PRKAR1B: variants seen among roughly 807,000 people sequenced by gnomAD.
PRKAR1B encodes the protein protein kinase cAMP-dependent type I regulatory subunit beta.
PRKAR1B carries 22 observed loss-of-function variants against 46.5 expected under a neutral mutation model. That is an observed-to-expected ratio of 0.47 (90% CI 0.34 to 0.68). The LOEUF is 0.68. Among genes scored for constraint, PRKAR1B ranks in the 30% least tolerant of loss-of-function variants. PRKAR1B has a pLI of 0.01. For missense variants in PRKAR1B, 445 were observed against 535.6 expected (o/e 0.83, Z 1.67); for synonymous variants, 259 against 217.7 (o/e 1.19, Z -1.67).
chr7:677,317 T>G lies in PRKAR1B; in HGVS notation c.352A>C (p.Ile118Leu), dbSNP rs1258812714. 1 of 1,614,206 alleles carries G rather than the reference T, an allele frequency of 6.2e-7. No homozygotes were observed. The highest frequency in any genetic ancestry group is 1.1e-5 in the South Asian group (1 of 91,080). Residue 118 changes from isoleucine to leucine, a missense_variant, in exon 4 of 11, where the codon ATT (isoleucine) becomes CTT (leucine). Ile to Leu is a conservative substitution (Grantham distance 5, BLOSUM62 2). Transcript: ENST00000537384. ...GTCATGGTTTTGTAGTCCTTGGGAA[T>G]CACCTGAAGCGGAGCCAACACATCA... ...EDAVSYVRKVIPKDYKTMTAL... is the reference protein window; with the variant it reads ...EDAVSYVRKVLPKDYKTMTAL...
At chr7:631,483 G>C (rs1783735893) in intron 4 of PRKAR1B, among the ~76,000 whole-genome samples, 1 of 152,204 alleles carries the variant, frequency 6.6e-6, no homozygotes, top group Non-Finnish European at 1.5e-5. Context: ...GCCAGTTCCA[G>C]GGTCAGCCAG....
intron 9 of PRKAR1B, among the ~76,000 whole-genome samples, chr7:578,065 C>T (rs1000904365): frequency 6.6e-6 from 1 of 152,194 alleles, no homozygotes; most frequent in Non-Finnish European, 1.5e-5. Context: ...GTCATGGCAA[C>T]GGTAAACTGA....
intron 2 of PRKAR1B, among the ~76,000 whole-genome samples, chr7:695,813 G>A (rs1199593519): frequency 6.6e-6 from 1 of 151,694 alleles, no homozygotes; most frequent in East Asian, 2.0e-4. Context: ...ACAGGTGCCT[G>A]CCACCATGCC....
At chr7:653,009 CCCCCAGGAG>C (rs1198764892) in intron 4 of PRKAR1B, among the ~76,000 whole-genome samples, 2 of 152,180 alleles carry the variant, frequency 1.3e-5, no homozygotes, top group African/African-American at 4.8e-5. Flanking sequence ...CCCAGCTCCA[CCCCCAGGAG>C]TCCCTCCACA....
chr7:585,016 A>C (rs1346285400), intron 7 of PRKAR1B, among the ~76,000 whole-genome samples: 2 of 152,184 alleles, frequency 1.3e-5, no homozygotes, highest in African/African-American at 4.8e-5. Context: ...CCCTGGATCC[A>C]GCCGTGCCTG....
chr7:561,128 CACAA>C (rs774057643), intron 9 of PRKAR1B, among the ~76,000 whole-genome samples: 134 of 149,228 alleles, frequency 9.0e-4, no homozygotes, highest in Non-Finnish European at 1.2e-3. Flanking sequence ...CACACAGGCA[CACAA>C]ACACACACAC....
chr7:726,090 GCATGCAGCCAGTTTC>G (rs1438939977), intron 1 of PRKAR1B, among the ~76,000 whole-genome samples: 3 of 150,310 alleles, frequency 2.0e-5, no homozygotes, highest in African/African-American at 2.5e-5. Flanking sequence ...GCCAGTTTCT[GCATGCAGCCAGTTTC>G]TGCATGCATT....
At chr7:612,951 T>C (rs993003784) in intron 4 of PRKAR1B, among the ~76,000 whole-genome samples, 1 of 152,176 alleles carries the variant, frequency 6.6e-6, no homozygotes, top group African/African-American at 2.4e-5. Flanking sequence ...TGTAATAATA[T>C]TCACCGAAGC....
chr7:713,747 A>G (rs1220171291), intron 1 of PRKAR1B, among the ~76,000 whole-genome samples: 1 of 152,164 alleles, frequency 6.6e-6, no homozygotes, highest in East Asian at 1.9e-4. Context: ...CACAGGCACT[A>G]CACAGGTCAC....
chr7:591,368 C>T (rs562498118), intron 7 of PRKAR1B, among the ~76,000 whole-genome samples: 1 of 152,332 alleles, frequency 6.6e-6, no homozygotes, highest in African/African-American at 2.4e-5. Flanking sequence ...CAGGTGACCC[C>T]CATTTCCAGG....
chr7:614,763 T>A (rs921263599), intron 4 of PRKAR1B, among the ~76,000 whole-genome samples: 1 of 151,792 alleles, frequency 6.6e-6, no homozygotes, highest in African/African-American at 2.4e-5. Context: ...AATACAAAAA[T>A]TAGTGAGGTG....
At chr7:559,228 A>T (rs966739262) in intron 9 of PRKAR1B, among the ~76,000 whole-genome samples, 3 of 152,212 alleles carry the variant, frequency 2.0e-5, no homozygotes, top group Non-Finnish European at 4.4e-5. Context: ...AGAGCCGAGA[A>T]TCAGTTCAGG....
chr7:591,269 G>A (rs1029369836), intron 7 of PRKAR1B, among the ~76,000 whole-genome samples: 3 of 152,372 alleles, frequency 2.0e-5, no homozygotes, highest in Middle Eastern at 6.8e-3. Flanking sequence ...GCTGGCCTCC[G>A]AGCTGGCCGG....
chr7:683,719 C>T (rs1208230255), intron 2 of PRKAR1B, among the ~76,000 whole-genome samples: 8 of 152,214 alleles, frequency 5.3e-5, no homozygotes, highest in Non-Finnish European at 7.3e-5. Flanking sequence ...TGACCAATAC[C>T]GGCCTCAAGC....
intron 8 of PRKAR1B, among the ~76,000 whole-genome samples, chr7:580,563 T>C (rs1270735699): frequency 6.6e-6 from 1 of 152,194 alleles, no homozygotes; most frequent in Admixed American, 6.5e-5. Context: ...TCAAAATGCT[T>C]ACTTCCCATG....
chr7:682,473 C>T (rs565249331), intron 2 of PRKAR1B, among the ~76,000 whole-genome samples: 21 of 152,154 alleles, frequency 1.4e-4, no homozygotes, highest in African/African-American at 3.6e-4. Flanking sequence ...TGGCCAGGCA[C>T]GGTGGTTCAC....
chr7:614,517 G>A (rs541659058), intron 4 of PRKAR1B, among the ~76,000 whole-genome samples: 4 of 152,330 alleles, frequency 2.6e-5, no homozygotes, highest in African/African-American at 7.2e-5. Flanking sequence ...CACTTTGGGA[G>A]ACCGGGCACC....
chr7:584,658 A>T, intron 7 of PRKAR1B, 90 bp from the exon 8 acceptor site: 2 of 1,159,930 alleles, frequency 1.7e-6, no homozygotes, highest in Non-Finnish European at 2.5e-6. Flanking sequence ...AATGACTCTC[A>T]ACTTTTAAAT....
intron 2 of PRKAR1B, among the ~76,000 whole-genome samples, chr7:705,225 C>T (rs1203686223): frequency 6.6e-6 from 1 of 150,536 alleles, no homozygotes; most frequent in African/African-American, 2.5e-5. Flanking sequence ...ATCACCTGAA[C>T]GCGGGGAGCA....
Sources: allele counts gnomAD v4.1 joint callset (sites outside exome capture counted in the v4.1 genomes callset), GRCh38; gene constraint gnomAD v4.1.1; transcripts MANE v1.5; gene names NCBI Gene and HGNC (gene_info 2026-07-23, HGNC 2026-07-21).